The following ACER1 variants were observed in gnomAD, a reference collection of about 807,000 sequenced individuals.
The protein encoded by ACER1 is CTB-180A7.3.
In ACER1, 28 loss-of-function variants were observed where a neutral mutation model predicts 24.9. The observed-to-expected ratio is 1.13, with a 90% CI of 0.83 to 1.54. The LOEUF (loss-of-function observed/expected upper bound fraction) is 1.54, where lower values mean the gene tolerates loss of function less well. ACER1 is among the 40% of genes most tolerant of loss of function. The probability of loss-of-function intolerance (pLI) is 0.00; values close to 1 mark genes in which losing one functional copy is unlikely to be tolerated. For synonymous variants in ACER1, 132 were observed against 131.4 expected (o/e 1.00, Z -0.03); for missense variants, 352 against 349.3 (o/e 1.01, Z -0.06).
upstream of ACER1, among the ~76,000 whole-genome samples, chr19:6,338,444 T>C (rs1443206275): frequency 6.6e-6 from 1 of 152,204 alleles, no homozygotes; most frequent in Non-Finnish European, 1.5e-5. Context: ...AATCTGAATA[T>C]GGTCTATAGG....
At chr19:6,320,431 G>T (rs2091624415) in intron 1 of ACER1, among the ~76,000 whole-genome samples, 1 of 152,092 alleles carries the variant, frequency 6.6e-6, no homozygotes, top group Non-Finnish European at 1.5e-5. Flanking sequence ...TCCTGCCTCA[G>T]CCTCCTGAGT....
intron 1 of ACER1, among the ~76,000 whole-genome samples, chr19:6,322,227 A>G (rs368309747): frequency 6.6e-6 from 1 of 152,196 alleles, no homozygotes. Flanking sequence ...TCCCTAAGTC[A>G]TTTGTAATTG....
At chr19:6,336,819 C>CAAA (rs57500077), upstream of ACER1, among the ~76,000 whole-genome samples, 12 of 67,774 alleles carry the variant, frequency 1.8e-4, no homozygotes, top group African/African-American at 3.7e-4. Context: ...GACCCCGACT[C>CAAA]AAAAAAAAAA....
upstream of ACER1, among the ~76,000 whole-genome samples, chr19:6,334,308 T>TCCTTG (rs1385377646): frequency 1.3e-5 from 2 of 152,076 alleles, no homozygotes; most frequent in Non-Finnish European, 2.9e-5. Flanking sequence ...CCTCCCAAAG[T>TCCTTG]GCTGGGATTA....
chr19:6,347,109 A>AAAAAAAAATATAT, the ACER1 span, among the ~76,000 whole-genome samples: 36 of 113,768 alleles, frequency 3.2e-4, 1 homozygote, highest in African/African-American at 8.6e-4. Context: ...AAAAAAAAAA[A>AAAAAAAAATATAT]ATATATATAT....
At chr19:6,351,670 C>CTGCAGTGAGCAGTCTTTG in the ACER1 span, among the ~76,000 whole-genome samples, 2 of 126,094 alleles carry the variant, frequency 1.6e-5, no homozygotes, top group African/African-American at 8.8e-5. Context: ...GAGGTCAAGA[C>CTGCAGTGAGCAGTCTTTG]TGCAGTGAGC....
At chr19:6,344,182 T>C in the ACER1 span, among the ~76,000 whole-genome samples, 1 of 151,950 alleles carries the variant, frequency 6.6e-6, no homozygotes, top group Non-Finnish European at 1.5e-5. Flanking sequence ...GGCAGGAGAA[T>C]GGCCCGAACC....
chr19:6,333,374 A>G (rs2091698114), intron 1 of ACER1, 85 bp downstream of exon 1: 3 of 1,169,122 alleles, frequency 2.6e-6, no homozygotes, highest in Non-Finnish European at 3.6e-6. Flanking sequence ...CCACTCCAGC[A>G]AGATTCCCCA....
intron 1 of ACER1, among the ~76,000 whole-genome samples, chr19:6,316,170 A>G (rs28846232): frequency 0.065 from 9,890 of 152,158 alleles, 369 homozygotes; most frequent in East Asian, 0.12. Flanking sequence ...GTGATGGTTC[A>G]TGCCTGTGAT....
intron 1 of ACER1, among the ~76,000 whole-genome samples, chr19:6,327,961 A>G (rs901872335): frequency 4.6e-5 from 7 of 151,572 alleles, no homozygotes; most frequent in African/African-American, 7.3e-5. Context: ...CTATAATCCC[A>G]GCTACTCGGG....
At chr19:6,333,004 A>G (rs1366331541) in intron 1 of ACER1, among the ~76,000 whole-genome samples, 3 of 152,098 alleles carry the variant, frequency 2.0e-5, no homozygotes, top group African/African-American at 7.2e-5. Flanking sequence ...AAACCAGGAT[A>G]GTCCCAGGCA....
intron 4 of ACER1, among the ~76,000 whole-genome samples, chr19:6,309,425 A>G (rs1391980129): frequency 6.6e-6 from 1 of 151,714 alleles, no homozygotes; most frequent in Admixed American, 6.6e-5. Context: ...GGGAGGCTGG[A>G]GTGGGAGGAT....
At chr19:6,348,044 C>T in the ACER1 span, among the ~76,000 whole-genome samples, 7 of 143,316 alleles carry the variant, frequency 4.9e-5, no homozygotes, top group African/African-American at 1.6e-4. Flanking sequence ...GCCACAGTGC[C>T]TGACTAGAAG....
chr19:6,309,586 C>T (rs2091567452), intron 4 of ACER1, 111 bp downstream of exon 4: 15 of 1,404,424 alleles, frequency 1.1e-5, no homozygotes, highest in Middle Eastern at 4.5e-4. Context: ...GGCCCTGCTA[C>T]TTGTTAGTGG....
chr19:6,345,695 G>A, the ACER1 span, among the ~76,000 whole-genome samples: 20 of 151,364 alleles, frequency 1.3e-4, no homozygotes, highest in African/African-American at 3.4e-4. Flanking sequence ...CTCCTGAGTC[G>A]CTGGGATTAC....
Position 6,312,183 on chromosome 19 carries a change from G to C in ACER1, c.316C>G (p.Arg106Gly). Reference sequence around the variant, plus strand: ...CCAAGGAAGGAGGGGAAATAGCAGCGGGGCATCCATATGCTATAGCCACTG... The same window carrying C: ...CCAAGGAAGGAGGGGAAATAGCAGCCGGGCATCCATATGCTATAGCCACTG... ...LGSGYSIWMP[R>G]CYFPSFLGGN... is the part of the protein sequence containing the mutation. Residue 106 changes from arginine to glycine, a missense_variant, in exon 3 of 6, where the codon CGC becomes GGC. By Grantham distance (125) the Arg-to-Gly change is moderately radical. Transcript: ENST00000301452. 1 of 1,613,798 alleles carries C rather than the reference G, an allele frequency of 6.2e-7. No individual in the cohort carries two copies. Among genetic ancestry groups the C allele is most frequent in the Non-Finnish European group, 8.5e-7 (1 of 1,179,774 alleles).
At chr19:6,340,446 C>T in the ACER1 span, among the ~76,000 whole-genome samples, 2 of 152,122 alleles carry the variant, frequency 1.3e-5, no homozygotes, top group East Asian at 3.9e-4. Context: ...TTAGCTACAG[C>T]CCTAGCCCCC....
chr19:6,340,662 G>C, the ACER1 span, among the ~76,000 whole-genome samples: 3 of 152,140 alleles, frequency 2.0e-5, no homozygotes, highest in Non-Finnish European at 2.9e-5. Context: ...ATCTTGGCGA[G>C]GGTTTAATAG....
At chr19:6,333,853 A>C (rs2091702005), upstream of ACER1, among the ~76,000 whole-genome samples, 1 of 152,086 alleles carries the variant, frequency 6.6e-6, no homozygotes, top group Non-Finnish European at 1.5e-5. Flanking sequence ...GGGGCAGTGG[A>C]GGGAACTGTT....
Sources: gnomAD v4.1 joint callset for allele counts (sites outside exome capture counted in the v4.1 genomes callset) on GRCh38, gnomAD v4.1.1 for gene constraint, MANE v1.5 for transcripts, NCBI Gene and HGNC (gene_info 2026-07-23, HGNC 2026-07-21) for gene names.